Variants in VKORC1 observed in about 807,000 individuals in gnomAD.
VKORC1 encodes the protein phylloquinone epoxide reductase.
Under a neutral mutation model 14.8 loss-of-function variants are expected in VKORC1, and 12 were observed. The ratio of observed to expected loss-of-function variants is 0.81; its 90% CI spans 0.52 to 1.31. The LOEUF (loss-of-function observed/expected upper bound fraction) is 1.31, where lower values mean the gene tolerates loss of function less well. VKORC1 is among the 50% of genes most tolerant of loss of function. VKORC1 has a pLI of 0.00. For synonymous variants in VKORC1, 94 were observed against 92.5 expected, an observed-to-expected ratio of 1.02 and a Z score of -0.09; for missense variants, 223 against 215.3, an observed-to-expected ratio of 1.04 and a Z score of -0.22.
At chr16:31,094,526 G>A (rs757841283) in intron 1 of VKORC1, 31 bp downstream of exon 1, 4 of 1,612,442 alleles carry the variant, frequency 2.5e-6, no homozygotes, top group Non-Finnish European at 3.4e-6. Context: ...GCCCTGCTCC[G>A]AGGCCCCACG....
At chr16:31,093,254 T>G in intron 2 of VKORC1, 58 bp downstream of exon 2, 1 of 1,405,802 alleles carries the variant, frequency 7.1e-7, no homozygotes, top group Non-Finnish European at 9.3e-7. Context: ...GGGGCTGAGC[T>G]GACCAAGGGG....
chr16:31,093,164 C>A, intron 2 of VKORC1, 148 bp downstream of exon 2: 1 of 840,302 alleles, frequency 1.2e-6, no homozygotes, highest in Non-Finnish European at 1.9e-6. Context: ...GTTACCTCCC[C>A]ACATCCCCAC....
rs61742233 is a variant in VKORC1 at position 31,094,601 on chromosome 16, G to A, written c.129C>T (p.Cys43=). Residue 43 remains cysteine (C), a synonymous_variant, in exon 1 of 3, where the codon TGC becomes TGT. Coordinates refer to ENST00000394975, the MANE Select transcript of VKORC1 (RefSeq NM_024006.6). ...RARDRDYRAL[C]DVGTAISCSR... ...AACAGCTGATGGCGGTGCCCACGTC[G>A]CAGAGCGCGCGGTAATCCCGGTCCC... 9,648 of 1,608,224 alleles carry A rather than the reference G, an allele frequency of 6.0e-3. 36 individuals are homozygous for A. The highest frequency in any genetic ancestry group is 7.3e-3 in the Non-Finnish European group (8,548 of 1,178,494).
chr16:31,093,269 A>AGGGGCGGGGC (rs759325539), intron 2 of VKORC1, 43 bp downstream of exon 2: 4 of 1,006,608 alleles, frequency 4.0e-6, no homozygotes, highest in Middle Eastern at 4.4e-4. Context: ...AAGGGGGATG[A>AGGGGCGGGGC]GGGGCGGGGC....
chr16:31,091,367 GTGGGCT>G (rs748266113), intron 2 of VKORC1, 25 bp from the exon 3 acceptor site: 1 of 1,604,732 alleles, frequency 6.2e-7, no homozygotes, highest in Non-Finnish European at 8.5e-7. Flanking sequence ...AGGGTCCGGT[GTGGGCT>G]TCAGGCACTG....
At chr16:31,093,634 C>T (rs1369903499) in intron 1 of VKORC1, 1 of 1,302,770 alleles carries the variant, frequency 7.7e-7, no homozygotes, top group Non-Finnish European at 1.0e-6. Context: ...CCCCTCTCCC[C>T]AGACCAGGCC....
chr16:31,094,719 G>C lies in VKORC1; in HGVS notation c.11C>G (p.Thr4Ser), dbSNP rs756150795. MGS[T>S]WGSPGWVRLA... ...CCGCACCCAGCCAGGGCTCCCCCAG[G>C]TGCTGCCCATTATCTCCAGGTTCCG... The change falls in exon 1 of 3, where the codon ACC becomes AGC. Residue 4 changes from threonine to serine, a missense_variant. Coordinates refer to ENST00000394975, the MANE Select transcript of VKORC1 (RefSeq NM_024006.6). The C allele has an allele frequency of 2.5e-6, 4 of 1,605,908 alleles. No individual in the cohort carries two copies. In the East Asian group the frequency reaches 8.9e-5, roughly 36 times the overall value.
At chr16:31,092,230 T>TAGTC (rs2057294851) in intron 2 of VKORC1, among the ~76,000 whole-genome samples, 1 of 136,500 alleles carries the variant, frequency 7.3e-6, no homozygotes, top group African/African-American at 2.7e-5. Context: ...GACATGCCTA[T>TAGTC]AGTCCTAGCT....
At position 31,091,278 on chromosome 16, in the gene VKORC1, A is replaced by C; in HGVS notation, c.348T>G (p.Gly116=). 6.2e-7 allele frequency: 1 copy of C among 1,614,156 alleles called. No individual in the cohort carries two copies. The highest frequency in any genetic ancestry group is 8.5e-7 in the Non-Finnish European group (1 of 1,180,032). ...MLLSSLVSLA[G]SVYLAWILFF... Reference sequence around the variant, plus strand: ...ACAGGATCCAGGCCAGGTAGACAGAACCAGCGAGAGACACCAGGGAGCTCA... The same window carrying C: ...ACAGGATCCAGGCCAGGTAGACAGACCCAGCGAGAGACACCAGGGAGCTCA... The change falls in exon 3 of 3, where the codon GGT becomes GGG. Residue 116 remains glycine (G), a synonymous_variant. Transcript: ENST00000394975.
chr16:31,091,104 G>A lies in VKORC1; in HGVS notation c.*30C>T, dbSNP rs773290721. 2.4e-5 allele frequency: 39 copies of A among 1,611,792 alleles called. No individual in the cohort carries two copies. The highest frequency in any genetic ancestry group is 2.9e-5 in the Non-Finnish European group (34 of 1,179,716). ...AAGGCTCACATGCCAAAGCAAAGCA[G>A]ATGAGGTCAGCCTGGCTTGGGTTGA... On this transcript the variant is annotated 3_prime_UTR_variant, in exon 3 of 3. Coordinates refer to ENST00000394975, the MANE Select transcript of VKORC1 (RefSeq NM_024006.6).
At position 31,091,290 on chromosome 16, in the gene VKORC1, C is replaced by T. The variant is rs1166842265; in HGVS notation, c.336G>A (p.Val112=). 1.2e-6 allele frequency: 2 copies of T among 1,614,134 alleles called. No individual in the cohort carries two copies. Among genetic ancestry groups the T allele is most frequent in the South Asian group, 2.2e-5 (2 of 91,078 alleles). The change falls in exon 3 of 3, where the codon GTG becomes GTA. Residue 112 remains valine, a synonymous_variant. Coordinates refer to ENST00000394975, the MANE Select transcript of VKORC1 (RefSeq NM_024006.6). ...CCAGGTAGACAGAACCAGCGAGAGA[C>T]ACCAGGGAGCTCAGCAGCATCAGGA... ...ASVLMLLSSL[V]SLAGSVYLAW...
rs2057285276 is a variant in VKORC1 at position 31,091,046 on chromosome 16, G to A, written c.*88C>T. The stretch of plus-strand genomic sequence containing the variant: ...GTAATCTAGAAGCCCCACATCTAGG[G>A]CCTTCTAGGGACCCAGATATGCCCC... On this transcript the variant is annotated 3_prime_UTR_variant, in exon 3 of 3. Coordinates refer to ENST00000394975, the MANE Select transcript of VKORC1 (RefSeq NM_024006.6). The A allele has an allele frequency of 6.4e-7, 1 of 1,560,914 alleles. No homozygotes were observed. Among genetic ancestry groups the A allele is most frequent in the African/African-American group, 1.4e-5 (1 of 73,882 alleles).
intron 2 of VKORC1, among the ~76,000 whole-genome samples, chr16:31,092,365 C>T (rs2057295802): frequency 1.3e-5 from 2 of 151,728 alleles, no homozygotes; most frequent in Admixed American, 1.3e-4. Context: ...CAGGTCCCCT[C>T]CAAGGGACTG....
intron 2 of VKORC1, chr16:31,093,000 C>CA (rs1368002486): frequency 4.6e-6 from 2 of 433,820 alleles, no homozygotes; most frequent in Non-Finnish European, 8.6e-6. Context: ...GAGATCACGC[C>CA]AGTGCACACT....
intron 1 of VKORC1, 170 bp from the exon 2 acceptor site, chr16:31,093,591 C>T: frequency 1.3e-6 from 2 of 1,505,716 alleles, no homozygotes; most frequent in Non-Finnish European, 1.8e-6. Flanking sequence ...CACCTTTGGC[C>T]ACGTCAGGAT....
At chr16:31,093,546 C>T (rs1262671698) in intron 1 of VKORC1, 125 bp from the exon 2 acceptor site, 2 of 1,554,788 alleles carry the variant, frequency 1.3e-6, no homozygotes, top group Non-Finnish European at 1.7e-6. Flanking sequence ...GACCTCCCAT[C>T]CTAGTCCAAG....
At chr16:31,093,670 G>GCTTT in intron 1 of VKORC1, 1 of 385,182 alleles carries the variant, frequency 2.6e-6, no homozygotes, top group Non-Finnish European at 4.4e-6. Flanking sequence ...CGTAGGCCCT[G>GCTTT]CTTTTCATCT....
chr16:31,093,173 A>T lies in VKORC1; in HGVS notation c.283+139T>A, dbSNP rs1758595470. The T allele has an allele frequency of 3.4e-6, 3 of 895,244 alleles. No individual in the cohort carries two copies. The African/African-American group carries it at 5.0e-5, about 15-fold the overall frequency. The allele number at this position is 895,244 out of a possible 1,614,324, so 55.5% of individuals were successfully genotyped here. ...CTGTTAGTTACCTCCCCACATCCCC[A>T]CCCGCAGGACGCTCCGTGATGAGCA... On this transcript the variant is annotated intron_variant, in intron 2 of 2. Coordinates refer to ENST00000394975, the MANE Select transcript of VKORC1 (RefSeq NM_024006.6).
At chr16:31,092,877 A>C in intron 2 of VKORC1, 1 of 803,142 alleles carries the variant, frequency 1.2e-6, no homozygotes, top group African/African-American at 1.8e-5. Context: ...CTACCAAAAA[A>C]AAACAAAAAC....
Sources: gnomAD v4.1 joint callset for allele counts (sites outside exome capture counted in the v4.1 genomes callset) on GRCh38, gnomAD v4.1.1 for gene constraint, MANE v1.5 for transcripts, NCBI Gene and HGNC (gene_info 2026-07-23, HGNC 2026-07-21) for gene names.